NUP43: variants seen among roughly 807,000 people sequenced by gnomAD.
NUP43 encodes nucleoporin 43.
Under a neutral mutation model 47.3 loss-of-function variants are expected in NUP43, and 32 were observed. The observed-to-expected ratio is 0.68, with a 90% confidence interval of 0.51 to 0.91. The LOEUF (loss-of-function observed/expected upper bound fraction) is 0.91. Ranked by LOEUF, NUP43 falls within the 40% of genes least tolerant of loss-of-function variation. The pLI is 0.00. For synonymous variants in NUP43, 147 were observed against 158.4 expected (o/e 0.93, Z 0.54); for missense variants, 444 against 453.9 (o/e 0.98, Z 0.20).
chr6:149,745,938 AC>A lies in NUP43; in HGVS notation c.243+1del. On this transcript the variant is annotated splice_donor_variant, in intron 2 of 7. Coordinates refer to ENST00000340413, the MANE Select transcript of NUP43 (RefSeq NM_198887.3). LOFTEE classifies it high-confidence loss of function. Reference sequence around the variant, plus strand: ...TAGCTTTTGGATGCTACACAGATTTACCTGTAAATCCATTACATCACCATGG... The same window carrying A: ...TAGCTTTTGGATGCTACACAGATTTACTGTAAATCCATTACATCACCATGG... 1 of 1,608,054 alleles carries A rather than the reference AC, an allele frequency of 6.2e-7. No homozygotes were observed. Among genetic ancestry groups the A allele is most frequent in the Non-Finnish European group, 8.5e-7 (1 of 1,178,002 alleles).
In NUP43 at chr6:149,724,461, T is replaced by C. The variant is rs569304148; in HGVS notation, c.*2508A>G. 52 of 152,274 alleles carry C rather than the reference T, an allele frequency of 3.4e-4. No homozygotes were observed. The highest frequency in any genetic ancestry group is 1.2e-3 in the African/African-American group (50 of 41,564). 9.4% of individuals were successfully genotyped at this position (152,274 alleles called of 1,614,324 possible). On this transcript the variant is annotated 3_prime_UTR_variant, in exon 8 of 8. Coordinates refer to ENST00000340413, the MANE Select transcript of NUP43 (RefSeq NM_198887.3). Reference sequence around the variant, plus strand: ...AGTGTGTTAACATACAATAGGACTGTACCCTTTTACAGGATTGAGTGTTTT... The same window carrying C: ...AGTGTGTTAACATACAATAGGACTGCACCCTTTTACAGGATTGAGTGTTTT...
chr6:149,736,393 G>T, intron 6 of NUP43, 78 bp downstream of exon 6: 2 of 956,774 alleles, frequency 2.1e-6, no homozygotes, highest in Non-Finnish European at 3.0e-6. Flanking sequence ...TGATCCACAT[G>T]TATCATTATG....
upstream of NUP43, among the ~76,000 whole-genome samples, chr6:149,747,898 T>C (rs1387879819): frequency 3.3e-5 from 5 of 152,230 alleles, no homozygotes; most frequent in African/African-American, 9.6e-5. Context: ...CTATCAAGGA[T>C]TTGACTTTTT....
chr6:149,749,164 C>G (rs370241178), upstream of NUP43, among the ~76,000 whole-genome samples: 2 of 151,218 alleles, frequency 1.3e-5, no homozygotes, highest in Non-Finnish European at 2.9e-5. Context: ...GCTTTAGAAC[C>G]GGGGTTCCAA....
intron 2 of NUP43, among the ~76,000 whole-genome samples, chr6:149,744,720 C>T (rs1785871144): frequency 6.6e-6 from 1 of 151,456 alleles, no homozygotes; most frequent in Admixed American, 6.6e-5. Context: ...CCTGTTGTCC[C>T]AGCTACTCGG....
At chr6:149,729,153 G>A (rs1784916649) in intron 7 of NUP43, among the ~76,000 whole-genome samples, 1 of 152,046 alleles carries the variant, frequency 6.6e-6, no homozygotes. Flanking sequence ...ACCACGTTCA[G>A]CTAATTTTTG....
intron 7 of NUP43, 137 bp from the exon 8 acceptor site, chr6:149,727,335 T>C (rs576498236): frequency 7.0e-7 from 1 of 1,432,322 alleles, no homozygotes; most frequent in South Asian, 1.5e-5. Context: ...ATAATTCCAT[T>C]ATTATACATC....
rs1785050592 is a variant in NUP43 at position 149,731,662 on chromosome 6, G to A, written c.864C>T (p.His288=). Residue 288 remains histidine (H), a synonymous_variant, in exon 7 of 8, where the codon CAC becomes CAT. Transcript: ENST00000340413. ...CAGGTACATCTGTGGAAGCATCCCA[G>A]TGCCAGAGGGATCCATCTTCAGAGC... ...FTCSEDGSLW[H]WDASTDVPEK... 1 of 1,613,514 alleles carries A rather than the reference G, an allele frequency of 6.2e-7. No individual in the cohort carries two copies. Among genetic ancestry groups the A allele is most frequent in the South Asian group, 1.1e-5 (1 of 91,084 alleles).
rs1785047993 is a variant in NUP43, at chr6:149,731,623, G to A, written c.903C>T (p.Leu301=). The A allele has an allele frequency of 6.2e-7, 1 of 1,611,232 alleles. No homozygotes were observed. The part of the protein sequence containing the change: ...ASTDVPEKSS[L]FHQGGRSSTF... ...ATTAAAAAGTTTTACCTTGGTGAAAGAGTGACGACTTTTCAGGTACATCTG... is the reference window on the plus strand; with the variant it reads ...ATTAAAAAGTTTTACCTTGGTGAAAAAGTGACGACTTTTCAGGTACATCTG... Residue 301 remains leucine (L), a synonymous_variant, in exon 7 of 8, where the codon CTC becomes CTT. Transcript: ENST00000340413.
intron 4 of NUP43, among the ~76,000 whole-genome samples, chr6:149,739,119 T>TA (rs1241934132): frequency 1.3e-5 from 2 of 152,036 alleles, no homozygotes; most frequent in Non-Finnish European, 2.9e-5. Flanking sequence ...TAGCTGGGAT[T>TA]AGAAATGTGC....
intron 7 of NUP43, chr6:149,727,956 T>A (rs149387319): frequency 1.0e-5 from 10 of 985,128 alleles, no homozygotes; most frequent in Non-Finnish European, 1.2e-5. Flanking sequence ...GGCTCTGTGC[T>A]AAGTGCTCTG....
At chr6:149,736,409 GTGCTTATTATATGTCATATAAC>G in intron 6 of NUP43, 40 bp downstream of exon 6, 1 of 1,196,662 alleles carries the variant, frequency 8.4e-7, no homozygotes. Context: ...TTATGGAAAG[GTGCTTATTATATGTCATATAAC>G]TCACCCAATA....
At chr6:149,745,846 G>T in intron 2 of NUP43, 94 bp downstream of exon 2, 1 of 1,095,172 alleles carries the variant, frequency 9.1e-7, no homozygotes. Context: ...CTGTAAACGA[G>T]GGGTGACACC....
In NUP43 at chr6:149,727,424, GT is replaced by G. The variant is rs144135880; in HGVS notation, c.914-227del. 4,996 of 984,230 alleles carry G rather than the reference GT, an allele frequency of 5.1e-3. 207 individuals carry two copies. In the African/African-American group the frequency reaches 0.08, roughly 16 times the overall value. 61.0% of individuals were successfully genotyped at this position (984,230 alleles called of 1,614,324 possible). On this transcript the variant is annotated intron_variant, in intron 7 of 7. Transcript: ENST00000340413. ...GGATAATATGGATACCAAACTCGAAGTCTTCAGGAAAAGCAGGTGATTTCAA... is the reference window on the plus strand; with the variant it reads ...GGATAATATGGATACCAAACTCGAAGCTTCAGGAAAAGCAGGTGATTTCAA...
chr6:149,734,134 C>T (rs78261207), intron 6 of NUP43, among the ~76,000 whole-genome samples: 1,906 of 152,058 alleles, frequency 0.013, 50 homozygotes, highest in African/African-American at 0.044. Context: ...ATCATTTCCT[C>T]AAAATCTTTT....
rs1562383484 is a variant in NUP43 at position 149,742,585 on chromosome 6, TGAG to T, written c.322-18_322-16del. 1 of 1,608,544 alleles carries T rather than the reference TGAG, an allele frequency of 6.2e-7. No individual in the cohort carries two copies. The highest frequency in any genetic ancestry group is 1.7e-5 in the Admixed American group (1 of 59,812). On this transcript the variant is annotated splice_polypyrimidine_tract_variant and intron_variant, in intron 3 of 7. Coordinates refer to ENST00000340413, the MANE Select transcript of NUP43 (RefSeq NM_198887.3). ...ACTGACAGAGTCTAGGCATCAGAAA[TGAG>T]GATACTATTAAAGCAAAGTACTAAG...
chr6:149,733,042 G>A (rs983897417), intron 6 of NUP43, among the ~76,000 whole-genome samples: 6 of 151,944 alleles, frequency 3.9e-5, no homozygotes, highest in South Asian at 2.1e-4. Flanking sequence ...TGTGTGCCCA[G>A]CTAGGAATGA....
rs755201917 is a variant in NUP43 at position 149,742,578 on chromosome 6, T to A, written c.322-8A>T. ...CTGGTTGACTGACAGAGTCTAGGCA[T>A]CAGAAATGAGGATACTATTAAAGCA... On this transcript the variant is annotated splice_region_variant and splice_polypyrimidine_tract_variant and intron_variant, in intron 3 of 7. Coordinates refer to ENST00000340413, the MANE Select transcript of NUP43 (RefSeq NM_198887.3). The A allele has an allele frequency of 6.2e-7, 1 of 1,610,954 alleles. No individual in the cohort carries two copies. The highest frequency in any genetic ancestry group is 1.1e-5 in the South Asian group (1 of 90,904).
In NUP43 at chr6:149,738,691, A is replaced by T; in HGVS notation, c.590T>A (p.Ile197Lys). Residue 197 changes from isoleucine (I) to lysine (K), a missense_variant, in exon 5 of 8, where the codon ATA becomes AAA. Coordinates refer to ENST00000340413, the MANE Select transcript of NUP43 (RefSeq NM_198887.3). The part of the protein sequence containing the change: ...LTVNSIGQLK[I>K]WDFRQQGNEP... ...ATTTCCTTGTTGTCTGAAATCCCAT[A>T]TTTTCAACTGTCCAATTGAATTTAC... 6.3e-7 allele frequency: 1 copy of T among 1,594,732 alleles called. No homozygotes were observed. The highest frequency in any genetic ancestry group is 1.2e-5 in the South Asian group (1 of 85,754).
Sources: allele counts gnomAD v4.1 joint callset (sites outside exome capture counted in the v4.1 genomes callset), GRCh38; gene constraint gnomAD v4.1.1; transcripts MANE v1.5; gene names NCBI Gene and HGNC (gene_info 2026-07-23, HGNC 2026-07-21).